The following CYP2A13 variants were observed in gnomAD, a reference collection of about 807,000 sequenced individuals.
CYP2A13 encodes the protein cytochrome P450 family 2 subfamily A member 13, also known as cytochrome P450 2A13.
Under a neutral mutation model 39.4 loss-of-function variants are expected in CYP2A13, and 30 were observed. That is an observed-to-expected ratio of 0.76 (90% CI 0.57 to 1.03). The LOEUF (loss-of-function observed/expected upper bound fraction) is 1.03. CYP2A13 is among the 50% of genes least tolerant of loss of function. The pLI is 0.00. For synonymous variants in CYP2A13, 269 were observed against 254.7 expected, an observed-to-expected ratio of 1.06 and a Z score of -0.54; for missense variants, 731 against 648.4, an observed-to-expected ratio of 1.13 and a Z score of -1.38.
In CYP2A13 at chr19:41,090,105, C is replaced by T; in HGVS notation, c.402C>T (p.Thr134=). The T allele has an allele frequency of 1.9e-6, 3 of 1,612,184 alleles. No individual in the cohort carries two copies. The highest frequency in any genetic ancestry group is 2.5e-6 in the Non-Finnish European group (3 of 1,179,152). The change falls in exon 3 of 9, where the codon ACC becomes ACT. Residue 134 remains threonine, a synonymous_variant. Transcript: ENST00000330436. The part of the protein sequence containing the change: ...AKQLRRFSIA[T]LRGFGVGKRG... Reference sequence around the variant, plus strand: ...AGCTCCGGCGCTTCTCCATCGCCACCCTAAGGGGTTTTGGCGTGGGCAAGC... The same window carrying T: ...AGCTCCGGCGCTTCTCCATCGCCACTCTAAGGGGTTTTGGCGTGGGCAAGC...
intron 8 of CYP2A13, 82 bp from the exon 9 acceptor site, chr19:41,095,678 A>C: frequency 2.6e-6 from 4 of 1,550,028 alleles, no homozygotes; most frequent in Non-Finnish European, 2.6e-6. Context: ...TCCTCCCTAG[A>C]GAGTGCAGCC....
At chr19:41,094,936 C>T (rs762193094) in intron 7 of CYP2A13, 23 bp from the exon 8 acceptor site, 2 of 1,613,378 alleles carry the variant, frequency 1.2e-6, no homozygotes, top group Non-Finnish European at 1.7e-6. Flanking sequence ...CCTCATTACA[C>T]ACACCTTCCT....
At chr19:41,095,690 G>C in intron 8 of CYP2A13, 70 bp from the exon 9 acceptor site, 4 of 1,580,092 alleles carry the variant, frequency 2.5e-6, no homozygotes, top group Non-Finnish European at 3.5e-6. Flanking sequence ...AGTGCAGCCG[G>C]GGGTCAGTAG....
At chr19:41,089,143 C>T (rs3826712) in intron 2 of CYP2A13, 52 bp downstream of exon 2, 8 of 1,607,366 alleles carry the variant, frequency 5.0e-6, no homozygotes, top group South Asian at 1.1e-5. Flanking sequence ...CAATGGTCTC[C>T]GTGTCCCCAG....
rs769097455 is a variant in CYP2A13 at position 41,093,731 on chromosome 19, C to T, written c.933C>T (p.Arg311=). 5 of 1,614,068 alleles carry T rather than the reference C, an allele frequency of 3.1e-6. No individual in the cohort carries two copies. In the East Asian group the frequency reaches 6.7e-5, roughly 22 times the overall value. Residue 311 remains arginine (R), a synonymous_variant, in exon 6 of 9, where the codon CGC becomes CGT. Transcript: ENST00000330436. ...CTGAGACCGTGAGCACCACCCTGCG[C>T]TACGGTTTCCTGCTGCTCATGAAGC... ...AGTETVSTTL[R]YGFLLLMKHP... is the part of the protein sequence containing the mutation.
chr19:41,094,685 G>A (rs2031263460), intron 7 of CYP2A13, among the ~76,000 whole-genome samples: 1 of 152,036 alleles, frequency 6.6e-6, no homozygotes, highest in Admixed American at 6.5e-5. Context: ...AGAAACAGAA[G>A]CCCCCTTTCC....
At chr19:41,091,243 C>T (rs1358788731) in intron 4 of CYP2A13, among the ~76,000 whole-genome samples, 2 of 152,326 alleles carry the variant, frequency 1.3e-5, no homozygotes, top group Middle Eastern at 3.4e-3. Flanking sequence ...CCCTCCACTT[C>T]AACATCTTCA....
In CYP2A13 at chr19:41,094,381, G is replaced by A. The variant is rs757775990; in HGVS notation, c.1110G>A (p.Leu370=). The change falls in exon 7 of 9, where the codon TTG becomes TTA. Residue 370 remains leucine, a synonymous_variant. Transcript: ENST00000330436. The stretch of plus-strand genomic sequence containing the variant: ...TTGGAGACATGCTCCCCATGGGTTT[G>A]GCCCACAGGGTCAACAAGGACACCA... The part of the protein sequence containing the change: ...QRFGDMLPMG[L]AHRVNKDTKF... The A allele has an allele frequency of 3.7e-6, 6 of 1,613,904 alleles. No homozygotes were observed. The African/African-American group carries it at 8.0e-5, about 22-fold the overall frequency.
rs199719758 is a variant in CYP2A13, at chr19:41,094,438, G to C, written c.1161+6G>C. ...GGGATTTCTTCCTCCCTAAGGTGCT[G>C]TCTCCCCTCCACCACCACCACTCAG... On this transcript the variant is annotated splice_donor_region_variant and intron_variant, in intron 7 of 8. Coordinates refer to ENST00000330436, the MANE Select transcript of CYP2A13 (RefSeq NM_000766.5). 520 of 1,613,894 alleles carry C rather than the reference G, an allele frequency of 3.2e-4. No homozygotes were observed. The highest frequency in any genetic ancestry group is 4.2e-4 in the Non-Finnish European group (500 of 1,179,992).
rs755650567 is a variant in CYP2A13, at chr19:41,091,737, T to C, written c.660T>C (p.Tyr220=). Residue 220 remains tyrosine, a synonymous_variant, in exon 5 of 9, where the codon TAT becomes TAC. Coordinates refer to ENST00000330436, the MANE Select transcript of CYP2A13 (RefSeq NM_000766.5). The part of the protein sequence containing the change: ...QFTATSTGQL[Y]EMFSSVMKHL... ...TCCTCTCTCTGCAACCCCAGCTCTATGAGATGTTCTCTTCGGTGATGAAAC... is the reference window on the plus strand; with the variant it reads ...TCCTCTCTCTGCAACCCCAGCTCTACGAGATGTTCTCTTCGGTGATGAAAC... 6.2e-7 allele frequency: 1 copy of C among 1,609,684 alleles called. No homozygotes were observed. The highest frequency in any genetic ancestry group is 1.7e-5 in the Admixed American group (1 of 60,008).
chr19:41,090,085 C>T lies in CYP2A13; in HGVS notation c.382C>T (p.Arg128Trp). Residue 128 changes from arginine (R) to tryptophan (W), a missense_variant, in exon 3 of 9, where the codon CGG becomes TGG. By Grantham distance (101) the Arg-to-Trp change is moderately radical. Transcript: ENST00000330436. ...CAACGGGGAGCGCGCCAAGCAGCTC[C>T]GGCGCTTCTCCATCGCCACCCTAAG... ...FSNGERAKQL[R>W]RFSIATLRGF... 3.7e-6 allele frequency: 6 copies of T among 1,613,082 alleles called. No individual in the cohort carries two copies. Among genetic ancestry groups the T allele is most frequent in the African/African-American group, 1.3e-5 (1 of 75,022 alleles).
In CYP2A13 at chr19:41,089,237, C is replaced by T. The variant is rs182451120; in HGVS notation, c.343+146C>T. 16 of 1,430,596 alleles carry T rather than the reference C, an allele frequency of 1.1e-5. No homozygotes were observed. The Admixed American group carries it at 2.9e-4, about 26-fold the overall frequency. 88.6% of individuals were successfully genotyped at this position (1,430,596 alleles called of 1,614,324 possible). ...CTCTCCCCATCTCCCTTCATCGTGG[C>T]CTCTCCCTGTGCGTCCCTCACCTGT... On this transcript the variant is annotated intron_variant, in intron 2 of 8. Coordinates refer to ENST00000330436, the MANE Select transcript of CYP2A13 (RefSeq NM_000766.5).
At position 41,096,138 on chromosome 19, in the gene CYP2A13, G is replaced by C; in HGVS notation, c.*197G>C. 1.3e-6 allele frequency: 1 copy of C among 774,410 alleles called. No homozygotes were observed. Among genetic ancestry groups the C allele is most frequent in the Non-Finnish European group, 2.1e-6 (1 of 484,016 alleles). The allele number at this position is 774,410 out of a possible 1,614,324, so 48.0% of individuals were successfully genotyped here. A position where few individuals can be genotyped will look rare whatever the true frequency, so the allele number is the denominator to read the frequency against. ...TCCTTCAGAGCTGTGATGAGAGGAA[G>C]GGAAACCTTACAGTATGCTACAAAG... is the stretch of plus-strand genomic sequence containing the variant. On this transcript the variant is annotated 3_prime_UTR_variant, in exon 9 of 9. Transcript: ENST00000330436.
chr19:41,089,177 A>G, intron 2 of CYP2A13, 86 bp downstream of exon 2: 1 of 1,580,224 alleles, frequency 6.3e-7, no homozygotes, highest in Non-Finnish European at 8.6e-7. Context: ...TCTCCTGCCC[A>G]CTGGAGGCTA....
intron 2 of CYP2A13, 99 bp downstream of exon 2, chr19:41,089,190 G>A: frequency 4.5e-6 from 7 of 1,561,306 alleles, no homozygotes; most frequent in South Asian, 2.4e-5. Flanking sequence ...GGAGGCTATG[G>A]CAGAGCCCCC....
Position 41,089,844 on chromosome 19 carries a change from CT to C in CYP2A13, c.344-202del, listed in dbSNP as rs1568366686. ...TCTCTCTCTCTCTCTCTCTCTCTCT[CT>C]CTCTCTCTCTCTCTCTCTCTCTCTC... On this transcript the variant is annotated intron_variant, in intron 2 of 8. Coordinates refer to ENST00000330436, the MANE Select transcript of CYP2A13 (RefSeq NM_000766.5). 4.2e-4 allele frequency among the ~76,000 whole-genome samples: 53 copies of C among 126,874 alleles called. No individual in the cohort carries two copies. In the East Asian group the frequency reaches 6.9e-3, roughly 17 times the overall value. 83.2% of individuals were successfully genotyped at this position (126,874 alleles called of 152,430 possible). A position where few individuals can be genotyped will look rare whatever the true frequency, so the allele number is the denominator to read the frequency against.
chr19:41,090,332 C>T, intron 3 of CYP2A13, 72 bp from the exon 4 acceptor site: 12 of 1,605,540 alleles, frequency 7.5e-6, no homozygotes, highest in Non-Finnish European at 1.0e-5. Flanking sequence ...GCCCTGCCTC[C>T]TGGAATTCTG....
Position 41,094,250 on chromosome 19 carries a change from G to A in CYP2A13, c.979G>A (p.Val327Ile), listed in dbSNP as rs867855024. ...LMKHPEVEAK[V>I]HEEIDRVIGK... ...ACATTCCCCTCCTCCCCCAGCCAAG[G>A]TCCATGAGGAGATTGACAGAGTGAT... is the stretch of plus-strand genomic sequence containing the variant. Residue 327 changes from valine (V) to isoleucine (I), a missense_variant, in exon 7 of 9, where the codon GTC (valine) becomes ATC (isoleucine). Transcript: ENST00000330436. 3.7e-6 allele frequency: 6 copies of A among 1,613,822 alleles called. No homozygotes were observed. The highest frequency in any genetic ancestry group is 5.1e-6 in the Non-Finnish European group (6 of 1,179,964).
chr19:41,091,471 C>T (rs535066550), intron 4 of CYP2A13, among the ~76,000 whole-genome samples: 1 of 152,316 alleles, frequency 6.6e-6, no homozygotes, highest in African/African-American at 2.4e-5. Flanking sequence ...ATGTGTGCTC[C>T]AATCCAGCCT....
Sources: allele counts gnomAD v4.1 joint callset (sites outside exome capture counted in the v4.1 genomes callset), GRCh38; gene constraint gnomAD v4.1.1; transcripts MANE v1.5; gene names NCBI Gene and HGNC (gene_info 2026-07-23, HGNC 2026-07-21).